Variants in TAFA2 observed in about 807,000 individuals in gnomAD.
The protein encoded by TAFA2 is TAFA chemokine like family member 2, also known as chemokine-like protein TAFA-2.
A neutral mutation model predicts 18.8 loss-of-function variants in TAFA2; 7 were observed. The ratio of observed to expected loss-of-function variants is 0.37; its 90% CI spans 0.21 to 0.70. The LOEUF (loss-of-function observed/expected upper bound fraction) is 0.70, where lower values mean the gene tolerates loss of function less well. TAFA2 is among the 30% of genes least tolerant of loss of function. The pLI is 0.53. For synonymous variants in TAFA2, 60 were observed against 54.2 expected (o/e 1.11, Z -0.47); for missense variants, 122 against 158.1 (o/e 0.77, Z 1.23).
intron 1 of TAFA2, among the ~76,000 whole-genome samples, chr12:62,200,884 T>C (rs907419175): frequency 1.3e-5 from 2 of 152,196 alleles, no homozygotes; most frequent in Non-Finnish European, 2.9e-5. Context: ...GCATAGAATG[T>C]TTTTCCATTT....
At chr12:61,818,764 A>T (rs1872199576) in intron 2 of TAFA2, among the ~76,000 whole-genome samples, 1 of 152,184 alleles carries the variant, frequency 6.6e-6, no homozygotes, top group Non-Finnish European at 1.5e-5. Context: ...ATGCTTGTAT[A>T]GTGAGAGACT....
At chr12:61,917,820 T>C (rs1876888108) in intron 1 of TAFA2, among the ~76,000 whole-genome samples, 1 of 152,130 alleles carries the variant, frequency 6.6e-6, no homozygotes, top group Non-Finnish European at 1.5e-5. Flanking sequence ...AAAAAGTACT[T>C]TGGCCAACAG....
chr12:61,946,240 A>C (rs61941010), intron 1 of TAFA2, among the ~76,000 whole-genome samples: 12,487 of 149,920 alleles, frequency 0.083, 562 homozygotes, highest in East Asian at 0.23. Context: ...GTGCTGGGAA[A>C]ACTGGCTAGC....
intron 1 of TAFA2, among the ~76,000 whole-genome samples, chr12:61,970,558 T>C (rs575488728): frequency 1.3e-5 from 2 of 151,276 alleles, no homozygotes; most frequent in East Asian, 2.0e-4. Flanking sequence ...AAAAATTAAA[T>C]TGCACATCAA....
At chr12:61,756,510 A>G (rs1869274386) in intron 2 of TAFA2, among the ~76,000 whole-genome samples, 1 of 152,086 alleles carries the variant, frequency 6.6e-6, no homozygotes, top group African/African-American at 2.4e-5. Context: ...TTATTAGGTC[A>G]CATTTTAAGC....
chr12:61,841,630 CT>C (rs1592426933), intron 2 of TAFA2, among the ~76,000 whole-genome samples: 2 of 152,072 alleles, frequency 1.3e-5, no homozygotes, highest in East Asian at 3.9e-4. Flanking sequence ...TATTTGGAGA[CT>C]TTTGTGTTTT....
chr12:61,886,951 C>T (rs933024884), intron 1 of TAFA2, among the ~76,000 whole-genome samples: 19 of 152,146 alleles, frequency 1.2e-4, no homozygotes, highest in Admixed American at 8.5e-4. Flanking sequence ...TTAACGAGTG[C>T]CTCAATTTAT....
rs182923855 is a variant in TAFA2, at chr12:61,858,906, G to T, written c.106+8414C>A. 6.9e-4 allele frequency among the ~76,000 whole-genome samples: 105 copies of T among 152,254 alleles called. 1 individual carries two copies. Among genetic ancestry groups the T allele is most frequent in the African/African-American group, 2.4e-3 (100 of 41,544 alleles). On this transcript the variant is annotated intron_variant, in intron 2 of 4. Coordinates refer to ENST00000416284, the MANE Select transcript of TAFA2 (RefSeq NM_178539.5). ...ATACATCTCAGTATATTAATGTAAT[G>T]TATACTATTACATGAAATGCTATAT...
At chr12:61,859,210 C>A (rs1423554207) in intron 2 of TAFA2, among the ~76,000 whole-genome samples, 3 of 152,176 alleles carry the variant, frequency 2.0e-5, no homozygotes. Flanking sequence ...GCGGCAGGAC[C>A]AGGACGGAGT....
rs2062290640 is a variant in TAFA2, at chr12:62,147,322, GTA to G, written c.-2+43935_-2+43936del. ...TGTATGCATGTGTGTGTGTGTGTAT[GTA>G]TGTATATATATATATATATATATAT... On this transcript the variant is annotated intron_variant, in intron 1 of 4. Coordinates refer to ENST00000416284, the MANE Select transcript of TAFA2 (RefSeq NM_178539.5). Among the ~76,000 whole-genome samples, 135 of 49,350 alleles carry G rather than the reference GTA, an allele frequency of 2.7e-3. 1 individual carries two copies. The highest frequency in any genetic ancestry group is 7.1e-3 in the African/African-American group (93 of 13,028). The allele number at this position is 49,350 out of a possible 152,430, so 32.4% of individuals were successfully genotyped here.
At chr12:61,753,557 T>C (rs912627530) in intron 4 of TAFA2, 65 bp downstream of exon 4, 81 of 1,465,374 alleles carry the variant, frequency 5.5e-5, no homozygotes, top group Non-Finnish European at 5.8e-5. Flanking sequence ...AATTGGTTAC[T>C]GCACAAGCTC....
chr12:62,218,760 T>C (rs2062747966), intron 1 of TAFA2, among the ~76,000 whole-genome samples: 1 of 152,164 alleles, frequency 6.6e-6, no homozygotes, highest in South Asian at 2.1e-4. Flanking sequence ...TTTGTTGCTT[T>C]CTCATTGCAA....
intron 1 of TAFA2, among the ~76,000 whole-genome samples, chr12:61,873,988 G>T (rs1280265971): frequency 6.6e-6 from 1 of 152,078 alleles, no homozygotes; most frequent in East Asian, 1.9e-4. Context: ...CATGTATGTT[G>T]TGTGTTATAT....
rs192341199 is a variant in TAFA2 at position 62,136,026 on chromosome 12, C to T, written c.-2+55233G>A. On this transcript the variant is annotated intron_variant, in intron 1 of 4. Transcript: ENST00000416284. ...TGAATGCTGATGAGACAATATTTGA[C>T]TCATCACTGCTTAGATGGTTATTTT... 1.4e-4 allele frequency: 21 copies of T among 152,212 alleles called. No individual in the cohort carries two copies. In the East Asian group the frequency reaches 1.9e-3, roughly 14 times the overall value. 9.4% of individuals were successfully genotyped at this position (152,212 alleles called of 1,614,324 possible). A position where few individuals can be genotyped will look rare whatever the true frequency, so the allele number is the denominator to read the frequency against.
At chr12:62,228,307 T>A (rs557008189) in intron 1 of TAFA2, among the ~76,000 whole-genome samples, 1 of 152,322 alleles carries the variant, frequency 6.6e-6, no homozygotes, top group Admixed American at 6.5e-5. Flanking sequence ...TTGGGTTGAT[T>A]TCATGTCTTT....
At chr12:61,735,454 A>G (rs1868289321) in intron 4 of TAFA2, among the ~76,000 whole-genome samples, 1 of 152,086 alleles carries the variant, frequency 6.6e-6, no homozygotes, top group South Asian at 2.1e-4. Flanking sequence ...GTTTCCATGC[A>G]TATATACATT....
intron 1 of TAFA2, among the ~76,000 whole-genome samples, chr12:61,923,185 G>C (rs1173838362): frequency 1.3e-5 from 2 of 152,208 alleles, no homozygotes; most frequent in African/African-American, 4.8e-5. Flanking sequence ...AGATGTTCCT[G>C]CCTGTCGGCT....
At chr12:61,784,026 C>G (rs1451036915) in intron 2 of TAFA2, among the ~76,000 whole-genome samples, 1 of 151,492 alleles carries the variant, frequency 6.6e-6, no homozygotes, top group Non-Finnish European at 1.5e-5. Context: ...AGCATGGCTA[C>G]TTTATGAAAA....
At chr12:61,807,239 C>T (rs1481544520) in intron 2 of TAFA2, among the ~76,000 whole-genome samples, 2 of 151,234 alleles carry the variant, frequency 1.3e-5, no homozygotes, top group East Asian at 1.9e-4. Flanking sequence ...CTGCTCCAGC[C>T]GTGGCTGAAA....
Sources: gnomAD v4.1 joint callset for allele counts (sites outside exome capture counted in the v4.1 genomes callset) on GRCh38, gnomAD v4.1.1 for gene constraint, MANE v1.5 for transcripts, NCBI Gene and HGNC (gene_info 2026-07-23, HGNC 2026-07-21) for gene names.